MAD1L1: variants seen among roughly 807,000 people sequenced by gnomAD.
MAD1L1 encodes mitotic arrest deficient 1 like 1, also known as mitotic spindle assembly checkpoint protein MAD1.
A neutral mutation model predicts 96.9 loss-of-function variants in MAD1L1; 95 were observed. The ratio of observed to expected loss-of-function variants is 0.98; its 90% CI spans 0.83 to 1.16. The LOEUF (loss-of-function observed/expected upper bound fraction) is 1.16, where lower values mean the gene tolerates loss of function less well. MAD1L1 is among the 50% of genes most tolerant of loss of function. The pLI, the probability that MAD1L1 is intolerant of heterozygous loss-of-function variation, is 0.00. For synonymous variants in MAD1L1, 473 were observed against 396.6 expected, an observed-to-expected ratio of 1.19 and a Z score of -2.29; for missense variants, 1,007 against 954.4, an observed-to-expected ratio of 1.06 and a Z score of -0.73.
At chr7:2,156,163 G>T (rs1789827418) in intron 10 of MAD1L1, among the ~76,000 whole-genome samples, 1 of 147,462 alleles carries the variant, frequency 6.8e-6, no homozygotes, top group Non-Finnish European at 1.5e-5. Flanking sequence ...CGAGGGGAGC[G>T]GGCGCACGGT....
At chr7:2,204,560 T>C (rs548406761) in intron 10 of MAD1L1, among the ~76,000 whole-genome samples, 3 of 152,236 alleles carry the variant, frequency 2.0e-5, no homozygotes, top group Non-Finnish European at 4.4e-5. Flanking sequence ...TGGGATGGTA[T>C]AGTAAGTATA....
chr7:2,153,864 G>T (rs536622738), intron 10 of MAD1L1, among the ~76,000 whole-genome samples: 2 of 152,338 alleles, frequency 1.3e-5, no homozygotes, highest in South Asian at 4.1e-4. Flanking sequence ...CCGTAAGAAA[G>T]AACAAGAGCT....
chr7:2,123,855 G>T (rs1411535095), intron 11 of MAD1L1, among the ~76,000 whole-genome samples: 2 of 152,178 alleles, frequency 1.3e-5, no homozygotes, highest in African/African-American at 2.4e-5. Context: ...AATAAATAAA[G>T]CTGCCAATTA....
chr7:2,206,004 C>T (rs1448854675), intron 10 of MAD1L1, among the ~76,000 whole-genome samples: 1 of 152,132 alleles, frequency 6.6e-6, no homozygotes, highest in South Asian at 2.1e-4. Flanking sequence ...TGGTGGTGCA[C>T]GCCTGGAACC....
intron 10 of MAD1L1, among the ~76,000 whole-genome samples, chr7:2,198,374 G>A (rs893962593): frequency 2.6e-5 from 4 of 152,144 alleles, no homozygotes; most frequent in Non-Finnish European, 4.4e-5. Flanking sequence ...AGCCACTCAC[G>A]CTCTCCACAG....
chr7:1,953,558 G>A (rs1175556103), intron 16 of MAD1L1, among the ~76,000 whole-genome samples: 3 of 152,228 alleles, frequency 2.0e-5, no homozygotes, highest in African/African-American at 7.2e-5. Context: ...TTAATTACAC[G>A]CACACTGAGG....
intron 17 of MAD1L1, among the ~76,000 whole-genome samples, chr7:1,927,568 C>T (rs1470598915): frequency 6.6e-6 from 1 of 152,142 alleles, no homozygotes. Context: ...GACAAAGGTG[C>T]AAACATAATT....
intron 12 of MAD1L1, among the ~76,000 whole-genome samples, chr7:2,019,512 G>T (rs535305687): frequency 6.6e-6 from 1 of 152,378 alleles, no homozygotes; most frequent in Admixed American, 6.5e-5. Flanking sequence ...CAAAACGGGG[G>T]CACGAATGCC....
At chr7:2,203,789 C>T (rs1338460819) in intron 10 of MAD1L1, among the ~76,000 whole-genome samples, 1 of 152,200 alleles carries the variant, frequency 6.6e-6, no homozygotes, top group East Asian at 1.9e-4. Context: ...ATTTCCAGAA[C>T]GACACACAGG....
intron 11 of MAD1L1, among the ~76,000 whole-genome samples, chr7:2,087,754 G>A (rs1785996814): frequency 1.3e-5 from 2 of 152,188 alleles, no homozygotes; most frequent in African/African-American, 2.4e-5. Context: ...ATGTCCCATG[G>A]CCAGGAGCAG....
intron 17 of MAD1L1, among the ~76,000 whole-genome samples, chr7:1,908,650 G>A (rs1354383971): frequency 2.0e-5 from 3 of 152,106 alleles, no homozygotes; most frequent in South Asian, 2.1e-4. Flanking sequence ...TGTGAGCCCC[G>A]CACCCGGCCT....
chr7:1,974,071 C>T (rs1329567340), intron 15 of MAD1L1, among the ~76,000 whole-genome samples: 2 of 152,224 alleles, frequency 1.3e-5, no homozygotes, highest in East Asian at 1.9e-4. Context: ...ATAAGATCTC[C>T]GGGCTGAGAC....
chr7:2,007,772 C>T (rs548304993), intron 13 of MAD1L1, among the ~76,000 whole-genome samples: 1 of 152,354 alleles, frequency 6.6e-6, no homozygotes, highest in South Asian at 2.1e-4. Context: ...GTCTGGCACG[C>T]AGATATTCAC....
chr7:2,166,008 T>C (rs1326980390), intron 10 of MAD1L1, among the ~76,000 whole-genome samples: 2 of 152,112 alleles, frequency 1.3e-5, no homozygotes, highest in Admixed American at 1.3e-4. Context: ...CTGATGAACG[T>C]CTTAGAGCTA....
At chr7:2,172,036 G>A (rs1019540808) in intron 10 of MAD1L1, among the ~76,000 whole-genome samples, 29 of 152,154 alleles carry the variant, frequency 1.9e-4, no homozygotes, top group African/African-American at 6.8e-4. Flanking sequence ...CTCATCGGCT[G>A]TGAGTCCTCA....
chr7:2,017,015 C>A (rs1224935709), intron 12 of MAD1L1, among the ~76,000 whole-genome samples: 1 of 152,252 alleles, frequency 6.6e-6, no homozygotes, highest in African/African-American at 2.4e-5. Context: ...ATCAGTAAAT[C>A]TCTGAGAGCT....
At chr7:2,104,192 C>A (rs1391938843) in intron 11 of MAD1L1, among the ~76,000 whole-genome samples, 1 of 152,218 alleles carries the variant, frequency 6.6e-6, no homozygotes, top group Non-Finnish European at 1.5e-5. Flanking sequence ...AGGACAAAGG[C>A]AGAGCAGATA....
intron 18 of MAD1L1, among the ~76,000 whole-genome samples, chr7:1,851,966 G>A (rs1784001022): frequency 6.6e-6 from 1 of 152,194 alleles, no homozygotes; most frequent in East Asian, 1.9e-4. Context: ...GCAGGGCCCG[G>A]CACGGGTGGG....
At chr7:2,229,882 C>T in intron 3 of MAD1L1, 102 bp downstream of exon 3, 1 of 1,279,066 alleles carries the variant, frequency 7.8e-7, no homozygotes, top group Non-Finnish European at 1.1e-6. Context: ...TCTCTAGGCT[C>T]TGCTAATACC....
Sources: allele counts gnomAD v4.1 joint callset (sites outside exome capture counted in the v4.1 genomes callset), GRCh38; gene constraint gnomAD v4.1.1; transcripts MANE v1.5; gene names NCBI Gene and HGNC (gene_info 2026-07-23, HGNC 2026-07-21).